Variants in ZNF425 observed in about 807,000 individuals in gnomAD.
ZNF425 encodes the protein zinc finger protein 425.
Under a neutral mutation model 17.0 loss-of-function variants are expected in ZNF425, and 21 were observed. The observed-to-expected ratio is 1.23, with a 90% CI of 0.88 to 1.78. The LOEUF is 1.78. Among genes scored for constraint, ZNF425 ranks in the 40% most tolerant of loss-of-function variants. The probability of loss-of-function intolerance (pLI) is 0.00; values close to 1 mark genes in which losing one functional copy is unlikely to be tolerated. For missense variants in ZNF425, 868 were observed against 967.3 expected, an observed-to-expected ratio of 0.90 and a Z score of 1.36; for synonymous variants, 433 against 384.1, an observed-to-expected ratio of 1.13 and a Z score of -1.49.
chr7:149,117,639 A>ATTTT (rs1452531025), intron 2 of ZNF425, among the ~76,000 whole-genome samples: 5 of 117,250 alleles, frequency 4.3e-5, no homozygotes, highest in African/African-American at 1.1e-4. Flanking sequence ...TTACTTAGTA[A>ATTTT]TTCTTTTTTT....
chr7:149,125,926 G>A (rs931780941), intron 1 of ZNF425: 6 of 630,602 alleles, frequency 9.5e-6, no homozygotes, highest in African/African-American at 9.3e-5. Context: ...GGGCTCAAGC[G>A]CTGCTCCCGC....
intron 1 of ZNF425, chr7:149,118,609 TTG>T: frequency 2.3e-6 from 1 of 437,966 alleles, no homozygotes; most frequent in Non-Finnish European, 4.3e-6. Context: ...GGTCAGGAGT[TTG>T]AGAGACCAGC....
chr7:149,120,833 C>T (rs1234473546), intron 1 of ZNF425, among the ~76,000 whole-genome samples: 1 of 152,068 alleles, frequency 6.6e-6, no homozygotes, highest in East Asian at 1.9e-4. Context: ...GAGTAGTATT[C>T]CATGGTATGG....
At position 149,103,858 on chromosome 7, in the gene ZNF425, A is replaced by C; in HGVS notation, c.2013T>G (p.Cys671Trp). The change falls in exon 4 of 4, where the codon TGT becomes TGG. Residue 671 changes from cysteine to tryptophan, a missense_variant. By Grantham distance (215) the Cys-to-Trp change is radical (BLOSUM62 -2). Coordinates refer to ENST00000378061, the MANE Select transcript of ZNF425 (RefSeq NM_001001661.3). ...SGEKPFQCPE[C>W]DKSYCIRGSL... ...TGCCCCTGATGCAGTAGCTCTTGTCACACTCCGGACACTGGAAGGGCTTCT... is the reference window on the plus strand; with the variant it reads ...TGCCCCTGATGCAGTAGCTCTTGTCCCACTCCGGACACTGGAAGGGCTTCT... 1 of 1,613,528 alleles carries C rather than the reference A, an allele frequency of 6.2e-7. No homozygotes were observed. Among genetic ancestry groups the C allele is most frequent in the Non-Finnish European group, 8.5e-7 (1 of 1,179,878 alleles).
chr7:149,116,962 G>A (rs1333517618), intron 2 of ZNF425, among the ~76,000 whole-genome samples: 1 of 152,128 alleles, frequency 6.6e-6, no homozygotes, highest in Non-Finnish European at 1.5e-5. Context: ...ATTGATACCA[G>A]TAGAAATGGT....
intron 2 of ZNF425, among the ~76,000 whole-genome samples, chr7:149,116,497 C>A (rs1486263713): frequency 5.9e-5 from 9 of 152,158 alleles, no homozygotes; most frequent in Admixed American, 5.9e-4. Context: ...CTTCTTCTGT[C>A]TTAATTACTA....
At chr7:149,117,771 G>C (rs963024286) in intron 2 of ZNF425, among the ~76,000 whole-genome samples, 4 of 143,812 alleles carry the variant, frequency 2.8e-5, no homozygotes, top group Non-Finnish European at 6.0e-5. Flanking sequence ...TCCTGTCTCA[G>C]CCTCCCCAGT....
chr7:149,103,846 G>A lies in ZNF425; in HGVS notation c.2025C>T (p.Tyr675=), dbSNP rs747176364. 1 of 1,614,094 alleles carries A rather than the reference G, an allele frequency of 6.2e-7. No homozygotes were observed. Among genetic ancestry groups the A allele is most frequent in the Non-Finnish European group, 8.5e-7 (1 of 1,180,026 alleles). The change falls in exon 4 of 4, where the codon TAC becomes TAT. Residue 675 remains tyrosine (Y), a synonymous_variant. Transcript: ENST00000378061. ...PFQCPECDKS[Y]CIRGSLKVHL... is the part of the protein sequence containing the mutation. ...GGACCTTCAAGCTGCCCCTGATGCA[G>A]TAGCTCTTGTCACACTCCGGACACT...
chr7:149,107,559 G>T (rs966555414), intron 3 of ZNF425, among the ~76,000 whole-genome samples: 1 of 151,716 alleles, frequency 6.6e-6, no homozygotes, highest in African/African-American at 2.4e-5. Context: ...GGATGGTCTC[G>T]ATCTCCTGAC....
At chr7:149,118,954 G>A (rs1456756549) in intron 1 of ZNF425, among the ~76,000 whole-genome samples, 1 of 151,732 alleles carries the variant, frequency 6.6e-6, no homozygotes, top group Non-Finnish European at 1.5e-5. Flanking sequence ...GGATGTGTCA[G>A]TTTTTGAAAA....
intron 3 of ZNF425, among the ~76,000 whole-genome samples, chr7:149,111,035 T>A (rs951584992): frequency 6.6e-6 from 1 of 151,854 alleles, no homozygotes; most frequent in African/African-American, 2.4e-5. Context: ...CCTCAGGTGA[T>A]CCACCCGCCT....
Position 149,105,948 on chromosome 7 carries a change from A to T in ZNF425, c.305-382T>A, listed in dbSNP as rs753180232. ...CCGCGCTTGGCCTTTTTTAAAAAAA[A>T]TTTTTTTCCTTTTTTTTTTTTTTTT... is the stretch of plus-strand genomic sequence containing the variant. On this transcript the variant is annotated intron_variant, in intron 3 of 3. Coordinates refer to ENST00000378061, the MANE Select transcript of ZNF425 (RefSeq NM_001001661.3). Among the ~76,000 whole-genome samples the T allele has an allele frequency of 5.9e-3, 692 of 118,266 alleles. 26 individuals carry two copies. In the East Asian group the frequency reaches 0.11, roughly 19 times the overall value. The allele number at this position is 118,266 out of a possible 152,430, so 77.6% of individuals were successfully genotyped here.
intron 1 of ZNF425, chr7:149,125,870 G>C (rs1333222671): frequency 3.9e-6 from 2 of 507,122 alleles, no homozygotes; most frequent in Non-Finnish European, 7.1e-6. Context: ...GCAGAACTCA[G>C]AGGCACCGCG....
In ZNF425 at chr7:149,104,582, T is replaced by G; in HGVS notation, c.1289A>C (p.Lys430Thr). The G allele has an allele frequency of 6.2e-7, 1 of 1,614,054 alleles. No homozygotes were observed. The highest frequency in any genetic ancestry group is 1.7e-5 in the Admixed American group (1 of 60,006). Residue 430 changes from lysine (K) to threonine (T), a missense_variant, in exon 4 of 4, where the codon AAA (lysine) becomes ACA (threonine). This residue lies in a region of ZNF425 where 437 missense variants were observed against 444.2 expected (regional missense o/e 0.98). Transcript: ENST00000378061. The surrounding 1 kb of genome is among the most constrained non-coding windows in gnomAD (Gnocchi z 4.3). ...CCCAATGTGCTGCAGCCCGTGGGCT[T>G]TCAGGCTTCTCTTGAGGCGGAAACT... ...NKSFRLKRSL[K>T]AHGLQHIGKR...
At chr7:149,111,499 G>A (rs1826174226) in intron 3 of ZNF425, among the ~76,000 whole-genome samples, 1 of 145,622 alleles carries the variant, frequency 6.9e-6, no homozygotes, top group East Asian at 2.2e-4. Flanking sequence ...GGCTGAGGAA[G>A]GAGAATCCCT....
chr7:149,104,099 T>C lies in ZNF425; in HGVS notation c.1772A>G (p.Tyr591Cys). 1 of 1,612,756 alleles carries C rather than the reference T, an allele frequency of 6.2e-7. No homozygotes were observed. Among genetic ancestry groups the C allele is most frequent in the Non-Finnish European group, 8.5e-7 (1 of 1,179,954 alleles). Residue 591 changes from tyrosine to cysteine, a missense_variant, in exon 4 of 4, where the codon TAC becomes TGC. Transcript: ENST00000378061. This position sits in a 1 kb window ranked among gnomAD's most constrained non-coding sequence, Gnocchi z 4.3. The part of the protein sequence containing the change: ...PFACGECDKT[Y>C]THQSQLTEHL... ...CTCGGTGAGCTGAGACTGATGCGTG[T>C]AGGTCTTGTCACACTCACCGCACGC...
At position 149,126,242 on chromosome 7, in the gene ZNF425, G is replaced by A. The variant is rs765464790; in HGVS notation, c.-29C>T. On this transcript the variant is annotated 5_prime_UTR_variant, in exon 1 of 4. Transcript: ENST00000378061. Reference sequence around the variant, plus strand: ...GGTTCCGCACGAACCGGCCCTGCCTGGCACGGCCTCCCCTCCGCTCCGCCC... The same window carrying A: ...GGTTCCGCACGAACCGGCCCTGCCTAGCACGGCCTCCCCTCCGCTCCGCCC... 6 of 1,608,546 alleles carry A rather than the reference G, an allele frequency of 3.7e-6. No individual in the cohort carries two copies. The highest frequency in any genetic ancestry group is 2.2e-5 in the South Asian group (2 of 90,274).
At position 149,105,549 on chromosome 7, in the gene ZNF425, T is replaced by C. The variant is rs1199214028; in HGVS notation, c.322A>G (p.Arg108Gly). ...AAACGGCAATCCTCTTCTTTTGTCCTGGGAGTTCCTTCGTCATCTGGAGCA... is the reference window on the plus strand; with the variant it reads ...AAACGGCAATCCTCTTCTTTTGTCCCGGGAGTTCCTTCGTCATCTGGAGCA... ...LLCFDDEGTP[R>G]TKEEDCRLNG... is the part of the protein sequence containing the mutation. The change falls in exon 4 of 4, where the codon AGG becomes GGG. Residue 108 changes from arginine (R) to glycine (G), a missense_variant. This residue lies in a region of ZNF425 where 179 missense variants were observed against 216.3 expected (regional missense o/e 0.83). Transcript: ENST00000378061. 3 of 1,511,244 alleles carry C rather than the reference T, an allele frequency of 2.0e-6. No homozygotes were observed. The highest frequency in any genetic ancestry group is 2.8e-5 in the African/African-American group (2 of 71,570). 93.6% of individuals were successfully genotyped at this position (1,511,244 alleles called of 1,614,324 possible).
At position 149,118,291 on chromosome 7, in the gene ZNF425, G is replaced by A; in HGVS notation, c.76C>T (p.Leu26=). 1 of 1,614,028 alleles carries A rather than the reference G, an allele frequency of 6.2e-7. No individual in the cohort carries two copies. The highest frequency in any genetic ancestry group is 8.5e-7 in the Non-Finnish European group (1 of 1,180,002). ...LYFSEQEWEI[L]EKWQKQMYKQ... ...TACATTTGCTTCTGCCACTTCTCCAGGATCTCCCACTCTTGTTCCGAAAAA... is the reference window on the plus strand; with the variant it reads ...TACATTTGCTTCTGCCACTTCTCCAAGATCTCCCACTCTTGTTCCGAAAAA... The change falls in exon 2 of 4, where the codon CTG becomes TTG. Residue 26 remains leucine, a synonymous_variant. Coordinates refer to ENST00000378061, the MANE Select transcript of ZNF425 (RefSeq NM_001001661.3).
Sources: gnomAD v4.1 joint callset for allele counts (sites outside exome capture counted in the v4.1 genomes callset) on GRCh38, gnomAD v4.1.1 for gene constraint, gnomAD v4.1.1 regional missense constraint, Gnocchi (gnomAD v3.1) non-coding constraint, MANE v1.5 for transcripts, NCBI Gene and HGNC (gene_info 2026-07-23, HGNC 2026-07-21) for gene names.